IMMP2L: variants seen among roughly 807,000 people sequenced by gnomAD.
IMMP2L encodes the protein inner mitochondrial membrane peptidase subunit 2, also known as mitochondrial inner membrane protease subunit 2.
Under a neutral mutation model 19.3 loss-of-function variants are expected in IMMP2L, and 18 were observed. The observed-to-expected ratio is 0.93, with a 90% CI of 0.64 to 1.38. IMMP2L has a LOEUF of 1.38. IMMP2L is among the 40% of genes most tolerant of loss of function. The pLI is 0.00. For synonymous variants in IMMP2L, 76 were observed against 73.0 expected (o/e 1.04, Z -0.21); for missense variants, 233 against 218.2 (o/e 1.07, Z -0.43).
At chr7:111,421,415 G>A (rs1354505371) in intron 3 of IMMP2L, among the ~76,000 whole-genome samples, 6 of 150,802 alleles carry the variant, frequency 4.0e-5, no homozygotes, top group Non-Finnish European at 7.4e-5. Context: ...GACTACAGGC[G>A]CCCGCCATCA....
At chr7:111,418,952 T>A (rs1275550468) in intron 3 of IMMP2L, among the ~76,000 whole-genome samples, 2 of 151,848 alleles carry the variant, frequency 1.3e-5, no homozygotes, top group Admixed American at 6.6e-5. Flanking sequence ...TAAGCCATCC[T>A]TCAATAAACT....
chr7:110,733,621 G>A (rs1396502781), intron 5 of IMMP2L, among the ~76,000 whole-genome samples: 2 of 152,148 alleles, frequency 1.3e-5, no homozygotes, highest in Non-Finnish European at 1.5e-5. Flanking sequence ...AATGTGTGCT[G>A]TGGTTTGTAT....
intron 5 of IMMP2L, among the ~76,000 whole-genome samples, chr7:110,792,631 C>T (rs1800541677): frequency 6.6e-6 from 1 of 152,098 alleles, no homozygotes; most frequent in African/African-American, 2.4e-5. Flanking sequence ...ACGCTGCTTG[C>T]ACTGCAGTGG....
chr7:111,215,881 T>C (rs1340921553), intron 3 of IMMP2L, among the ~76,000 whole-genome samples: 1 of 152,192 alleles, frequency 6.6e-6, no homozygotes, highest in East Asian at 1.9e-4. Context: ...CTGTTAGAAT[T>C]TGTATTTAAT....
intron 4 of IMMP2L, among the ~76,000 whole-genome samples, chr7:110,896,077 C>T (rs1405549201): frequency 6.6e-6 from 1 of 152,092 alleles, no homozygotes; most frequent in African/African-American, 2.4e-5. Context: ...CCACCTCAGC[C>T]TCCTGATTAG....
At chr7:110,730,423 G>T (rs1249586417) in intron 5 of IMMP2L, among the ~76,000 whole-genome samples, 1 of 152,182 alleles carries the variant, frequency 6.6e-6, no homozygotes, top group Non-Finnish European at 1.5e-5. Flanking sequence ...TTACACCAGT[G>T]GTTTGCCAGG....
chr7:111,164,853 T>C (rs1235381718), intron 3 of IMMP2L, among the ~76,000 whole-genome samples: 2 of 152,070 alleles, frequency 1.3e-5, no homozygotes, highest in African/African-American at 4.8e-5. Context: ...TTATTTATTG[T>C]TTTGGGTGTG....
At chr7:111,241,081 C>T (rs1408413613) in intron 3 of IMMP2L, among the ~76,000 whole-genome samples, 1 of 151,850 alleles carries the variant, frequency 6.6e-6, no homozygotes, top group Non-Finnish European at 1.5e-5. Context: ...AACTTAGTTA[C>T]TGTTCGAATG....
At chr7:111,069,576 T>C (rs1794779827) in intron 3 of IMMP2L, among the ~76,000 whole-genome samples, 1 of 152,200 alleles carries the variant, frequency 6.6e-6, no homozygotes, top group African/African-American at 2.4e-5. Context: ...CTGATTACTA[T>C]AATGACAAAT....
intron 3 of IMMP2L, among the ~76,000 whole-genome samples, chr7:111,013,496 C>A (rs139150993): frequency 6.6e-6 from 1 of 151,886 alleles, no homozygotes; most frequent in East Asian, 1.9e-4. Flanking sequence ...GAGATGAAAA[C>A]GGAAGGAGGG....
chr7:111,199,084 T>C (rs1809819946), intron 3 of IMMP2L, among the ~76,000 whole-genome samples: 1 of 152,054 alleles, frequency 6.6e-6, no homozygotes, highest in Non-Finnish European at 1.5e-5. Context: ...ATAATTTGTG[T>C]CCATTTTTTT....
chr7:111,321,703 C>T (rs776038471), intron 3 of IMMP2L, among the ~76,000 whole-genome samples: 2 of 151,870 alleles, frequency 1.3e-5, no homozygotes, highest in African/African-American at 4.8e-5. Context: ...AAAATAGACA[C>T]TTGAATGTGG....
At chr7:110,953,935 T>C (rs1174968119) in intron 4 of IMMP2L, among the ~76,000 whole-genome samples, 1 of 152,146 alleles carries the variant, frequency 6.6e-6, no homozygotes, top group Non-Finnish European at 1.5e-5. Context: ...TGAGCTTTTT[T>C]CACATGTTTG....
chr7:111,170,973 T>C (rs1388873775), intron 3 of IMMP2L, among the ~76,000 whole-genome samples: 1 of 151,754 alleles, frequency 6.6e-6, no homozygotes, highest in Non-Finnish European at 1.5e-5. Context: ...GAACACAGTG[T>C]TTGTGTCTTA....
intron 3 of IMMP2L, among the ~76,000 whole-genome samples, chr7:111,014,404 C>T (rs988627005): frequency 6.6e-6 from 1 of 151,986 alleles, no homozygotes; most frequent in Non-Finnish European, 1.5e-5. Context: ...CACACATACA[C>T]ACACACTTAT....
At chr7:110,807,539 A>G (rs112574946) in intron 5 of IMMP2L, among the ~76,000 whole-genome samples, 57 of 152,162 alleles carry the variant, frequency 3.7e-4, no homozygotes, top group African/African-American at 1.3e-3. Context: ...TAAATATTTG[A>G]TAATTTCAGA....
At chr7:111,280,720 A>T (rs1819594509) in intron 3 of IMMP2L, among the ~76,000 whole-genome samples, 2 of 152,176 alleles carry the variant, frequency 1.3e-5, no homozygotes, top group African/African-American at 4.8e-5. Context: ...CTAAAAACTT[A>T]GTAATAAGTG....
At chr7:111,426,187 T>C (rs970698841) in intron 3 of IMMP2L, among the ~76,000 whole-genome samples, 1 of 151,060 alleles carries the variant, frequency 6.6e-6, no homozygotes, top group Non-Finnish European at 1.5e-5. Context: ...TATATATTTC[T>C]GGTAGTTGCT....
intron 5 of IMMP2L, among the ~76,000 whole-genome samples, chr7:110,851,803 A>G (rs1047319868): frequency 6.6e-6 from 1 of 152,136 alleles, no homozygotes; most frequent in African/African-American, 2.4e-5. Context: ...GAAATTAAAA[A>G]TGATAAGATA....
Sources: allele counts gnomAD v4.1 joint callset (sites outside exome capture counted in the v4.1 genomes callset), GRCh38; gene constraint gnomAD v4.1.1; transcripts MANE v1.5; gene names NCBI Gene and HGNC (gene_info 2026-07-23, HGNC 2026-07-21).